The following CUX2 variants were observed in gnomAD, a reference collection of about 807,000 sequenced individuals.
CUX2 encodes the protein cut like homeobox 2, also known as homeobox protein cut-like 2.
Under a neutral mutation model 144.8 loss-of-function variants are expected in CUX2, and 40 were observed. That is an observed-to-expected ratio of 0.28 (90% confidence interval 0.21 to 0.36). The LOEUF (loss-of-function observed/expected upper bound fraction) is 0.36, where lower values mean the gene tolerates loss of function less well. CUX2 is among the 10% of genes least tolerant of loss of function. CUX2 has a pLI of 1.00. For synonymous variants in CUX2, 827 were observed against 875.6 expected, an observed-to-expected ratio of 0.94 and a Z score of 0.98; for missense variants, 1,615 against 1,994.0, an observed-to-expected ratio of 0.81 and a Z score of 3.62.
intron 3 of CUX2, among the ~76,000 whole-genome samples, chr12:111,247,632 G>A (rs1883340396): frequency 6.6e-6 from 1 of 152,176 alleles, no homozygotes; most frequent in Non-Finnish European, 1.5e-5. Context: ...GGCCTGGCAT[G>A]TAGACCCTGG....
rs1285722974 is a variant in CUX2, at chr12:111,322,127, G to A, written c.2767-294G>A. Among the ~76,000 whole-genome samples, 2 of 151,934 alleles carry A rather than the reference G, an allele frequency of 1.3e-5. No homozygotes were observed. Among genetic ancestry groups the A allele is most frequent in the East Asian group, 3.9e-4 (2 of 5,172 alleles). ...GAGGTCAGGAGTTCGAAACCAGCCT[G>A]GCCAATGTGGCAAAACCCCATCTCT... is the stretch of plus-strand genomic sequence containing the variant. On this transcript the variant is annotated intron_variant, in intron 17 of 21. Transcript: ENST00000261726. This position sits in a 1 kb window ranked among gnomAD's most constrained non-coding sequence, Gnocchi z 4.2.
At position 111,320,825 on chromosome 12, in the gene CUX2, G is replaced by T. The variant is rs150114230; in HGVS notation, c.2766+50G>T. ...GTCTGGGCTCTGGGAGAAGATGTCG[G>T]AGAAGTAGGATGCCCACCCAAGCAG... On this transcript the variant is annotated intron_variant, in intron 17 of 21. Coordinates refer to ENST00000261726, the MANE Select transcript of CUX2 (RefSeq NM_015267.4). The surrounding 1 kb of genome is among the most constrained non-coding windows in gnomAD (Gnocchi z 8.1). The T allele has an allele frequency of 2.1e-6, 3 of 1,424,016 alleles. No homozygotes were observed. Among genetic ancestry groups the T allele is most frequent in the South Asian group, 1.5e-5 (1 of 66,262 alleles). 88.2% of individuals were successfully genotyped at this position (1,424,016 alleles called of 1,614,324 possible). A position where few individuals can be genotyped will look rare whatever the true frequency, so the allele number is the denominator to read the frequency against.
At chr12:111,089,880 G>A (rs746923446) in intron 1 of CUX2, among the ~76,000 whole-genome samples, 3 of 152,224 alleles carry the variant, frequency 2.0e-5, no homozygotes, top group Non-Finnish European at 2.9e-5. Flanking sequence ...AAAGCAGGCT[G>A]GTGGCCTTTC....
chr12:111,286,743 G>A (rs370756568), intron 4 of CUX2, among the ~76,000 whole-genome samples: 2 of 152,054 alleles, frequency 1.3e-5, no homozygotes, highest in Admixed American at 6.6e-5. Context: ...CATGGTGGTA[G>A]CTGTAGTCCC....
intron 1 of CUX2, among the ~76,000 whole-genome samples, chr12:111,165,656 T>C (rs1035199715): frequency 1.5e-4 from 23 of 152,126 alleles, no homozygotes; most frequent in Admixed American, 1.3e-3. Context: ...ACTGACCTCA[T>C]TGGGATGTGG....
chr12:111,248,052 C>T (rs57000645), intron 3 of CUX2, among the ~76,000 whole-genome samples: 3 of 152,066 alleles, frequency 2.0e-5, no homozygotes, highest in Non-Finnish European at 2.9e-5. Flanking sequence ...CCCGCCACCA[C>T]GCCTGGCTAA....
intron 1 of CUX2, among the ~76,000 whole-genome samples, chr12:111,143,286 G>C (rs923839689): frequency 1.3e-5 from 2 of 152,154 alleles, no homozygotes; most frequent in African/African-American, 4.8e-5. Context: ...CAAGTGCCTT[G>C]GGTGTTTCCA....
At chr12:111,108,219 G>T (rs957418934) in intron 1 of CUX2, among the ~76,000 whole-genome samples, 1 of 152,174 alleles carries the variant, frequency 6.6e-6, no homozygotes, top group African/African-American at 2.4e-5. Flanking sequence ...GAGTGATGTT[G>T]TGTCCTTCTC....
rs773716389 is a variant in CUX2 at position 111,081,303 on chromosome 12, C to A, written c.63+47063C>A. Among the ~76,000 whole-genome samples, 67 of 152,066 alleles carry A rather than the reference C, an allele frequency of 4.4e-4. 1 individual carries two copies. Among genetic ancestry groups the A allele is most frequent in the Non-Finnish European group, 6.5e-4 (44 of 68,008 alleles). ...GTTCATTTTATTTTGTTTTTATTGTCTTTTTAAGTATGGGAAGTTTCTGTT... is the reference window on the plus strand; with the variant it reads ...GTTCATTTTATTTTGTTTTTATTGTATTTTTAAGTATGGGAAGTTTCTGTT... On this transcript the variant is annotated intron_variant, in intron 1 of 21. Transcript: ENST00000261726.
rs1013660950 is a variant in CUX2, at chr12:111,287,203, C to T, written c.302-4215C>T. 6.6e-6 allele frequency among the ~76,000 whole-genome samples: 1 copy of T among 152,228 alleles called. No homozygotes were observed. Among genetic ancestry groups the T allele is most frequent in the East Asian group, 1.9e-4 (1 of 5,182 alleles). On this transcript the variant is annotated intron_variant, in intron 4 of 21. Coordinates refer to ENST00000261726, the MANE Select transcript of CUX2 (RefSeq NM_015267.4). The surrounding 1 kb of genome is among the most constrained non-coding windows in gnomAD (Gnocchi z 4.2). Reference sequence around the variant, plus strand: ...ACGAAATGTCAATACCTAATCCCTGCGAACAGGGTGAGTGACAGACATCCT... The same window carrying T: ...ACGAAATGTCAATACCTAATCCCTGTGAACAGGGTGAGTGACAGACATCCT...
Position 111,296,491 on chromosome 12 carries a change from C to T in CUX2, c.656C>T (p.Ala219Val). 1 of 1,610,540 alleles carries T rather than the reference C, an allele frequency of 6.2e-7. No homozygotes were observed. Among genetic ancestry groups the T allele is most frequent in the East Asian group, 2.2e-5 (1 of 44,806 alleles). Residue 219 changes from alanine (A) to valine (V), a missense_variant, in exon 8 of 22, where the codon GCA becomes GTA. Ala to Val is a moderately conservative substitution (Grantham distance 64). Transcript: ENST00000261726. Reference sequence around the variant, plus strand: ...CTCCCAGCGCTAAAGGCTACGCAGGCAGAGCTGCTAGAGCTGCGGCGGAAG... The same window carrying T: ...CTCCCAGCGCTAAAGGCTACGCAGGTAGAGCTGCTAGAGCTGCGGCGGAAG... Reference protein sequence around the residue: ...VLHSALKATQAELLELRRKYD... With the variant: ...VLHSALKATQVELLELRRKYD...
At chr12:111,095,755 C>T (rs1318174659) in intron 1 of CUX2, among the ~76,000 whole-genome samples, 1 of 152,174 alleles carries the variant, frequency 6.6e-6, no homozygotes, top group African/African-American at 2.4e-5. Context: ...TCAATATTAC[C>T]GTTACTACCA....
At chr12:111,302,877 G>A (rs1192191435) in intron 9 of CUX2, among the ~76,000 whole-genome samples, 2 of 144,820 alleles carry the variant, frequency 1.4e-5, no homozygotes, top group Admixed American at 7.1e-5. Flanking sequence ...TCCAGCCTGG[G>A]CAACAAAGCA....
intron 1 of CUX2, among the ~76,000 whole-genome samples, chr12:111,062,475 G>A (rs1462472624): frequency 6.6e-6 from 1 of 152,262 alleles, no homozygotes; most frequent in African/African-American, 2.4e-5. Flanking sequence ...GGGAAGCAGA[G>A]CTGGGAGACG....
At chr12:111,111,917 C>A (rs549633530) in intron 1 of CUX2, among the ~76,000 whole-genome samples, 1 of 152,152 alleles carries the variant, frequency 6.6e-6, no homozygotes, top group Non-Finnish European at 1.5e-5. Flanking sequence ...GGTTCTCCCA[C>A]GGGGCTTCTC....
At chr12:111,109,895 A>C (rs1341862086) in intron 1 of CUX2, among the ~76,000 whole-genome samples, 2 of 152,074 alleles carry the variant, frequency 1.3e-5, no homozygotes, top group African/African-American at 2.4e-5. Context: ...TTTTGGTTTG[A>C]GATAGGATCT....
In CUX2 at chr12:111,160,106, C is replaced by G. The variant is rs964190232; in HGVS notation, c.64-54094C>G. Among the ~76,000 whole-genome samples the G allele has an allele frequency of 2.6e-5, 4 of 152,178 alleles. No individual in the cohort carries two copies. The highest frequency in any genetic ancestry group is 4.8e-5 in the African/African-American group (2 of 41,446). ...TCTTTCCTTCAATATTCATTGAGCTCCTGCTGGGTGCTGGGCGCTGGGAAT... is the reference window on the plus strand; with the variant it reads ...TCTTTCCTTCAATATTCATTGAGCTGCTGCTGGGTGCTGGGCGCTGGGAAT... On this transcript the variant is annotated intron_variant, in intron 1 of 21. Coordinates refer to ENST00000261726, the MANE Select transcript of CUX2 (RefSeq NM_015267.4). The surrounding 1 kb of genome is among the most constrained non-coding windows in gnomAD (Gnocchi z 4.1).
At position 111,034,249 on chromosome 12, in the gene CUX2, G is replaced by T. The variant is rs367566718; in HGVS notation, c.63+9G>T. On this transcript the variant is annotated intron_variant, in intron 1 of 21. Transcript: ENST00000261726. The surrounding 1 kb of genome is among the most constrained non-coding windows in gnomAD (Gnocchi z 4.2). ...ATCTACGGCGACTCCAGGTTAGTGC[G>T]GGCAGCGCCGGCCGCGCGGCCGTGA... The T allele has an allele frequency of 7.4e-7, 1 of 1,351,916 alleles. No individual in the cohort carries two copies. The highest frequency in any genetic ancestry group is 1.6e-5 in the African/African-American group (1 of 64,340). The allele number at this position is 1,351,916 out of a possible 1,614,324, so 83.7% of individuals were successfully genotyped here.
Position 111,085,880 on chromosome 12 carries a change from A to T in CUX2, c.63+51640A>T, listed in dbSNP as rs1872186008. Among the ~76,000 whole-genome samples, 5 of 152,232 alleles carry T rather than the reference A, an allele frequency of 3.3e-5. No homozygotes were observed. In the South Asian group the frequency reaches 1.0e-3, roughly 32 times the overall value. On this transcript the variant is annotated intron_variant, in intron 1 of 21. Transcript: ENST00000261726. ...TCCAGCAAGGGCTTACACAGGGCAG[A>T]TGCTTGAAGCATTATTGTCACATCA...
Sources: gnomAD v4.1 joint callset for allele counts (sites outside exome capture counted in the v4.1 genomes callset) on GRCh38, gnomAD v4.1.1 for gene constraint, Gnocchi (gnomAD v3.1) non-coding constraint, MANE v1.5 for transcripts, NCBI Gene and HGNC (gene_info 2026-07-23, HGNC 2026-07-21) for gene names.